PAFAH2: variants seen among roughly 807,000 people sequenced by gnomAD.
PAFAH2 encodes platelet activating factor acetylhydrolase 2, also known as platelet-activating factor acetylhydrolase 2, cytoplasmic.
In PAFAH2, 42 loss-of-function variants were observed where a neutral mutation model predicts 49.0. The ratio of observed to expected loss-of-function variants is 0.86; its 90% CI spans 0.67 to 1.11. PAFAH2 has a LOEUF of 1.11. PAFAH2 is among the 50% of genes least tolerant of loss of function. The pLI, the probability that PAFAH2 is intolerant of heterozygous loss-of-function variation, is 0.00. For missense variants in PAFAH2, 503 were observed against 501.8 expected, an observed-to-expected ratio of 1.00 and a Z score of -0.02; for synonymous variants, 184 against 181.3, an observed-to-expected ratio of 1.01 and a Z score of -0.12.
intron 3 of PAFAH2, 40 bp from the exon 4 acceptor site, chr1:25,988,367 A>G: frequency 2.7e-6 from 4 of 1,501,326 alleles, no homozygotes; most frequent in Non-Finnish European, 2.8e-6. Flanking sequence ...GGCTGCCCCA[A>G]AGCTGTTATC....
chr1:25,972,741 G>T, intron 9 of PAFAH2, 29 bp from the exon 10 acceptor site: 1 of 1,613,492 alleles, frequency 6.2e-7, no homozygotes, highest in Non-Finnish European at 8.5e-7. Context: ...AACTGGCAGG[G>T]GTCTGGCGGC....
rs201064998 is a variant in PAFAH2 at position 25,989,448 on chromosome 1, C to T, written c.244G>A (p.Gly82Arg). Residue 82 changes from glycine (G) to arginine (R), a missense_variant and splice_region_variant, in exon 3 of 11, where the codon GGA becomes AGA. Physicochemically the swap from Gly to Arg is moderately radical, Grantham distance 125. Coordinates refer to ENST00000374282, the MANE Select transcript of PAFAH2 (RefSeq NM_000437.4). ...CGGLLFNLAV[G>R]SCRLPVSWNG... ...ATGCAGAGGTCAGGCCAGCCCTTACCCACCGCCAGGTTGAACAGCAAGCCC... is the reference window on the plus strand; with the variant it reads ...ATGCAGAGGTCAGGCCAGCCCTTACTCACCGCCAGGTTGAACAGCAAGCCC... 219 of 1,593,544 alleles carry T rather than the reference C, an allele frequency of 1.4e-4. No individual in the cohort carries two copies. Among genetic ancestry groups the T allele is most frequent in the Middle Eastern group, 1.7e-4 (1 of 5,798 alleles).
At chr1:25,988,842 A>T (rs997997846) in intron 3 of PAFAH2, among the ~76,000 whole-genome samples, 1 of 150,550 alleles carries the variant, frequency 6.6e-6, no homozygotes, top group Admixed American at 6.6e-5. Flanking sequence ...AAGGAAAAGA[A>T]AATGGGAAGC....
At chr1:25,972,269 T>C (rs917098138) in intron 10 of PAFAH2, among the ~76,000 whole-genome samples, 1 of 151,596 alleles carries the variant, frequency 6.6e-6, no homozygotes, top group Non-Finnish European at 1.5e-5. Context: ...CTAATTTTTT[T>C]TTTTTTTTGG....
intron 3 of PAFAH2, among the ~76,000 whole-genome samples, chr1:25,988,594 C>T (rs1454960195): frequency 1.3e-5 from 2 of 151,842 alleles, no homozygotes; most frequent in Non-Finnish European, 2.9e-5. Context: ...GAGGGCGGAT[C>T]ACGAGGTCAA....
At chr1:25,979,857 C>G (rs1295792977) in intron 7 of PAFAH2, among the ~76,000 whole-genome samples, 1 of 152,204 alleles carries the variant, frequency 6.6e-6, no homozygotes, top group East Asian at 1.9e-4. Flanking sequence ...AACTCCTGGG[C>G]TCAAGTGATC....
intron 10 of PAFAH2, among the ~76,000 whole-genome samples, chr1:25,965,690 C>T (rs1014045104): frequency 2.6e-5 from 4 of 151,648 alleles, no homozygotes; most frequent in Non-Finnish European, 5.9e-5. Context: ...TGGTGGCGGG[C>T]ACCTGTAATC....
At chr1:25,986,887 G>A (rs116612104) in intron 4 of PAFAH2, among the ~76,000 whole-genome samples, 183 of 152,134 alleles carry the variant, frequency 1.2e-3, no homozygotes, top group African/African-American at 4.2e-3. Context: ...TATTTATTGA[G>A]TACCTATTAT....
At chr1:25,983,415 C>T (rs556663154) in intron 6 of PAFAH2, among the ~76,000 whole-genome samples, 12 of 151,750 alleles carry the variant, frequency 7.9e-5, no homozygotes, top group South Asian at 2.1e-4. Context: ...AAATTAGCTG[C>T]GCATAGTGGT....
intron 2 of PAFAH2, 132 bp downstream of exon 2, chr1:25,990,595 T>TC (rs2049857391): frequency 4.4e-6 from 3 of 683,466 alleles, no homozygotes; most frequent in Non-Finnish European, 7.6e-6. Flanking sequence ...ACCTGGGGGC[T>TC]TGATAACCAA....
intron 1 of PAFAH2, among the ~76,000 whole-genome samples, chr1:25,996,223 G>T (rs962785243): frequency 1.3e-5 from 2 of 152,046 alleles, no homozygotes; most frequent in Non-Finnish European, 2.9e-5. Context: ...AAATTAGCTG[G>T]ATGTGGTGGT....
rs1265327524 is a variant in PAFAH2 at position 25,983,996 on chromosome 1, A to C, written c.502T>G (p.Phe168Val). 6.2e-7 allele frequency: 1 copy of C among 1,614,058 alleles called. No homozygotes were observed. Among genetic ancestry groups the C allele is most frequent in the African/African-American group, 1.3e-5 (1 of 74,920 alleles). Residue 168 changes from phenylalanine (F) to valine (V), a missense_variant, in exon 6 of 11, where the codon TTC becomes GTC. Transcript: ENST00000374282. The stretch of plus-strand genomic sequence containing the variant: ...TTCTCCCCTTCCTCAACTCGACGGA[A>C]AGGGATCCATTCCTCCTGCAGCGAT... ...NESLQEEWIP[F>V]RRVEEGEKEF...
intron 10 of PAFAH2, among the ~76,000 whole-genome samples, chr1:25,971,024 G>A (rs1188981623): frequency 6.6e-6 from 1 of 152,212 alleles, no homozygotes; most frequent in Non-Finnish European, 1.5e-5. Context: ...AGAACACTCA[G>A]AGAAGACTAG....
At chr1:25,997,409 TCACA>T (rs2049951536) in intron 1 of PAFAH2, 1 of 152,212 alleles carries the variant, frequency 6.6e-6, no homozygotes, top group South Asian at 2.1e-4. Context: ...CAAGGCATCT[TCACA>T]CATACTAGCT....
Position 25,983,935 on chromosome 1 carries a change from C to A in PAFAH2, c.552+11G>T. 6.2e-7 allele frequency: 1 copy of A among 1,614,014 alleles called. No individual in the cohort carries two copies. Among genetic ancestry groups the A allele is most frequent in the Non-Finnish European group, 8.5e-7 (1 of 1,179,908 alleles). On this transcript the variant is annotated intron_variant, in intron 6 of 10. Coordinates refer to ENST00000374282, the MANE Select transcript of PAFAH2 (RefSeq NM_000437.4). Reference sequence around the variant, plus strand: ...TCATTAACTCTCCCTCCCCAACTGGCACAAACTTACCTGGGGATTCCGAAC... The same window carrying A: ...TCATTAACTCTCCCTCCCCAACTGGAACAAACTTACCTGGGGATTCCGAAC...
intron 7 of PAFAH2, among the ~76,000 whole-genome samples, chr1:25,981,497 C>T (rs1352380022): frequency 6.6e-6 from 1 of 152,120 alleles, no homozygotes; most frequent in African/African-American, 2.4e-5. Context: ...ACTGAGCCTG[C>T]AGTGGACACA....
At chr1:25,978,577 G>C (rs369996813) in intron 7 of PAFAH2, among the ~76,000 whole-genome samples, 18 of 152,286 alleles carry the variant, frequency 1.2e-4, no homozygotes, top group African/African-American at 4.3e-4. Context: ...ACTTGTGATT[G>C]TTCTAGCCAA....
chr1:25,981,946 G>A (rs1056144987), intron 7 of PAFAH2, among the ~76,000 whole-genome samples: 9 of 151,986 alleles, frequency 5.9e-5, no homozygotes, highest in Admixed American at 1.3e-4. Context: ...GCTTGAACCC[G>A]GGAGGCGGAG....
At position 25,996,471 on chromosome 1, in the gene PAFAH2, G is replaced by A. The variant is rs1032104708; in HGVS notation, c.-48+1554C>T. Among the ~76,000 whole-genome samples the A allele has an allele frequency of 9.9e-5, 15 of 152,180 alleles. No homozygotes were observed. In the Middle Eastern group the frequency reaches 0.014, roughly 138 times the overall value. ...TGGCTAACACGGTGAAACCCTGTCTGTACTAAAAAAAATACAAAATATTAG... is the reference window on the plus strand; with the variant it reads ...TGGCTAACACGGTGAAACCCTGTCTATACTAAAAAAAATACAAAATATTAG... On this transcript the variant is annotated intron_variant, in intron 1 of 10. Coordinates refer to ENST00000374282, the MANE Select transcript of PAFAH2 (RefSeq NM_000437.4).
Sources: allele counts gnomAD v4.1 joint callset (sites outside exome capture counted in the v4.1 genomes callset), GRCh38; gene constraint gnomAD v4.1.1; transcripts MANE v1.5; gene names NCBI Gene and HGNC (gene_info 2026-07-23, HGNC 2026-07-21).